Variants in VPS53 observed in about 807,000 individuals in gnomAD.
VPS53 encodes vacuolar protein sorting-associated protein 53 homolog.
In VPS53, 70 loss-of-function variants were observed where a neutral mutation model predicts 107.0. That is an observed-to-expected ratio of 0.65 (90% CI 0.54 to 0.80). The LOEUF (loss-of-function observed/expected upper bound fraction) is 0.80, where lower values mean the gene tolerates loss of function less well. Ranked by LOEUF, VPS53 falls within the 30% of genes least tolerant of loss-of-function variation. The pLI is 0.00. For synonymous variants in VPS53, 409 were observed against 393.3 expected (o/e 1.04, Z -0.47); for missense variants, 917 against 1,049.4 (o/e 0.87, Z 1.74).
intron 12 of VPS53, among the ~76,000 whole-genome samples, chr17:594,168 A>G (rs1597355627): frequency 6.8e-6 from 1 of 146,552 alleles, no homozygotes; most frequent in Non-Finnish European, 1.5e-5. Context: ...GTGGGGTGGG[A>G]GGAGGGGGGA....
chr17:592,675 T>C (rs1456642612), intron 12 of VPS53, among the ~76,000 whole-genome samples: 3 of 152,198 alleles, frequency 2.0e-5, no homozygotes, highest in African/African-American at 7.2e-5. Flanking sequence ...GATATCAAAT[T>C]CTGGGTTGAA....
chr17:591,629 G>C (rs972239400), intron 12 of VPS53, among the ~76,000 whole-genome samples: 10 of 152,052 alleles, frequency 6.6e-5, no homozygotes, highest in African/African-American at 2.2e-4. Flanking sequence ...CCTTCATTTC[G>C]TTATGTACCC....
intron 19 of VPS53, among the ~76,000 whole-genome samples, chr17:527,878 C>G (rs974731519): frequency 6.6e-6 from 1 of 152,210 alleles, no homozygotes; most frequent in Non-Finnish European, 1.5e-5. Flanking sequence ...TCCCAGAGTG[C>G]TAGGATTACA....
chr17:594,940 G>C (rs34290881), intron 12 of VPS53, among the ~76,000 whole-genome samples: 29 of 35,288 alleles, frequency 8.2e-4, no homozygotes, highest in East Asian at 2.4e-3. Flanking sequence ...TCAATTTCCT[G>C]GTTTGATGAT....
intron 17 of VPS53, chr17:537,414 C>A (rs1456080049): frequency 2.2e-6 from 1 of 463,598 alleles, no homozygotes; most frequent in Non-Finnish European, 3.8e-6. Context: ...CTTTTCCTGC[C>A]TTGTCCCCGA....
At chr17:592,892 T>C (rs1216110317) in intron 12 of VPS53, among the ~76,000 whole-genome samples, 1 of 152,218 alleles carries the variant, frequency 6.6e-6, no homozygotes, top group Non-Finnish European at 1.5e-5. Context: ...GAGGAGTATC[T>C]TTGTGGCGTT....
At chr17:574,974 T>C (rs192531802) in intron 13 of VPS53, among the ~76,000 whole-genome samples, 9 of 152,328 alleles carry the variant, frequency 5.9e-5, no homozygotes, top group Admixed American at 3.9e-4. Flanking sequence ...ACTGTGAATG[T>C]AGAAGACAGG....
At chr17:688,131 C>A (rs1192461038) in intron 4 of VPS53, among the ~76,000 whole-genome samples, 1 of 152,122 alleles carries the variant, frequency 6.6e-6, no homozygotes, top group African/African-American at 2.4e-5. Flanking sequence ...GCCAAAAAAG[C>A]GCTATCAAGG....
At chr17:579,067 C>A (rs1373486124) in intron 13 of VPS53, among the ~76,000 whole-genome samples, 1 of 147,260 alleles carries the variant, frequency 6.8e-6, no homozygotes, top group African/African-American at 2.5e-5. Context: ...TCCCTCAGAA[C>A]CTCAGTGCAT....
At chr17:536,312 G>A (rs1419330077) in intron 18 of VPS53, 1 of 152,086 alleles carries the variant, frequency 6.6e-6, no homozygotes, top group East Asian at 1.9e-4. Context: ...AGCAGCCATG[G>A]TAAAAAATAC....
In VPS53 at chr17:560,549, C is replaced by CA. The variant is rs765914540; in HGVS notation, c.1580dup (p.Thr528AspfsTer27). On this transcript the variant is annotated frameshift_variant, in exon 15 of 22. Transcript: ENST00000437048. LOFTEE classifies it high-confidence loss of function. The stretch of plus-strand genomic sequence containing the variant: ...TTTCCTTGAGGAGGCTGCTGATAGT[C>CA]AGTCCTCCACTGCTGGTTGTGGTTC... 1 of 1,614,062 alleles carries CA rather than the reference C, an allele frequency of 6.2e-7. No homozygotes were observed. Among genetic ancestry groups the CA allele is most frequent in the African/African-American group, 1.3e-5 (1 of 75,046 alleles).
chr17:522,384 C>T (rs757106169), intron 19 of VPS53, among the ~76,000 whole-genome samples: 3 of 152,192 alleles, frequency 2.0e-5, no homozygotes, highest in Non-Finnish European at 4.4e-5. Flanking sequence ...TCTTTGCAGT[C>T]TTTAAAAAAC....
At chr17:560,765 T>A (rs1912875264) in intron 14 of VPS53, among the ~76,000 whole-genome samples, 192 bp from the exon 15 acceptor site, 1 of 152,236 alleles carries the variant, frequency 6.6e-6, no homozygotes, top group South Asian at 2.1e-4. Context: ...AGATGATTCC[T>A]ATTTTAGTTA....
chr17:582,995 A>G (rs1251529373), intron 13 of VPS53, among the ~76,000 whole-genome samples: 2 of 151,468 alleles, frequency 1.3e-5, no homozygotes, highest in Admixed American at 6.6e-5. Context: ...TCAGAATCTA[A>G]AGTGTTCCCA....
At chr17:586,486 A>G in intron 12 of VPS53, 122 bp from the exon 13 acceptor site, 3 of 915,790 alleles carry the variant, frequency 3.3e-6, no homozygotes, top group Non-Finnish European at 4.9e-6. Flanking sequence ...TACTCAATGT[A>G]ACCCAATACG....
chr17:673,689 G>C (rs1173855371), intron 4 of VPS53: 3 of 152,214 alleles, frequency 2.0e-5, no homozygotes, highest in African/African-American at 7.2e-5. Flanking sequence ...ACACCACTTA[G>C]GAACCTGGAG....
At chr17:705,545 T>C (rs545312922) in intron 2 of VPS53, 1 of 152,274 alleles carries the variant, frequency 6.6e-6, no homozygotes, top group South Asian at 2.1e-4. Context: ...GACCATCCTA[T>C]CCTGGCCAAC....
chr17:594,335 AGAAT>A (rs1328537195), intron 12 of VPS53, among the ~76,000 whole-genome samples: 1 of 152,266 alleles, frequency 6.6e-6, no homozygotes, highest in Admixed American at 6.5e-5. Flanking sequence ...AAATAAATAA[AGAAT>A]GGCACATTGT....
intron 12 of VPS53, among the ~76,000 whole-genome samples, chr17:586,727 C>T (rs1967337758): frequency 6.6e-6 from 1 of 152,202 alleles, no homozygotes; most frequent in Admixed American, 6.5e-5. Flanking sequence ...TCACACAATC[C>T]AATTTTTGAT....
Sources: allele counts gnomAD v4.1 joint callset (sites outside exome capture counted in the v4.1 genomes callset), GRCh38; gene constraint gnomAD v4.1.1; transcripts MANE v1.5; gene names NCBI Gene and HGNC (gene_info 2026-07-23, HGNC 2026-07-21).